TBC1D8: variants seen among roughly 807,000 people sequenced by gnomAD.
TBC1D8 encodes the protein BUB2-like protein 1.
A neutral mutation model predicts 118.8 loss-of-function variants in TBC1D8; 65 were observed. The ratio of observed to expected loss-of-function variants is 0.55; its 90% CI spans 0.45 to 0.67. The LOEUF is 0.67. Among genes scored for constraint, TBC1D8 ranks in the 30% least tolerant of loss-of-function variants. The pLI is 0.00. For synonymous variants in TBC1D8, 566 were observed against 595.8 expected, an observed-to-expected ratio of 0.95 and a Z score of 0.73; for missense variants, 1,376 against 1,471.2, an observed-to-expected ratio of 0.94 and a Z score of 1.06.
intron 15 of TBC1D8, among the ~76,000 whole-genome samples, chr2:101,022,927 G>A (rs1395148908): frequency 6.6e-6 from 1 of 151,924 alleles, no homozygotes; most frequent in African/African-American, 2.4e-5. Context: ...TGGATCGTCT[G>A]CGCTCAAGAT....
At position 101,008,130 on chromosome 2, in the gene TBC1D8, T is replaced by C. The variant is rs1646512575; in HGVS notation, c.3159A>G (p.Gly1053=). Reference sequence around the variant, plus strand: ...CCTCCCCACACTCCTGGGAGCAGCTTCCAGAGCTGCTGCCTCGCTGCCCCA... The same window carrying C: ...CCTCCCCACACTCCTGGGAGCAGCTCCCAGAGCTGCTGCCTCGCTGCCCCA... The part of the protein sequence containing the change: ...GEVGQRGSSS[G]SCSQECGEEL... Residue 1053 remains glycine (G), a synonymous_variant, in exon 20 of 20, where the codon GGA becomes GGG. Coordinates refer to ENST00000409318, the MANE Select transcript of TBC1D8 (RefSeq NM_001330348.2). 6.2e-7 allele frequency: 1 copy of C among 1,613,814 alleles called. No individual in the cohort carries two copies. Among genetic ancestry groups the C allele is most frequent in the African/African-American group, 1.3e-5 (1 of 75,002 alleles).
At chr2:101,055,648 T>C (rs1239634604) in intron 3 of TBC1D8, among the ~76,000 whole-genome samples, 1 of 152,162 alleles carries the variant, frequency 6.6e-6, no homozygotes, top group African/African-American at 2.4e-5. Context: ...TAGAAGGGCC[T>C]AGAATTCAAG....
chr2:101,149,425 G>A (rs1029479898), intron 1 of TBC1D8, among the ~76,000 whole-genome samples: 12 of 152,266 alleles, frequency 7.9e-5, no homozygotes, highest in African/African-American at 2.9e-4. Context: ...ACTAGATGGT[G>A]AATCGGCTGA....
chr2:101,021,615 C>G, intron 17 of TBC1D8, 66 bp downstream of exon 17: 1 of 1,096,330 alleles, frequency 9.1e-7, no homozygotes, highest in Non-Finnish European at 1.4e-6. Context: ...GCTTCAGAGT[C>G]ATGCACAAAG....
At chr2:101,028,261 G>T (rs760001571) in intron 13 of TBC1D8, 42 bp downstream of exon 13, 1 of 1,579,580 alleles carries the variant, frequency 6.3e-7, no homozygotes, top group Non-Finnish European at 8.6e-7. Flanking sequence ...TTCCCGGGGG[G>T]TTAGGGGCTG....
intron 1 of TBC1D8, among the ~76,000 whole-genome samples, chr2:101,147,823 G>A (rs145467818): frequency 2.0e-5 from 3 of 152,230 alleles, no homozygotes; most frequent in Non-Finnish European, 4.4e-5. Context: ...TTTCCCACAT[G>A]CTAACATCTC....
intron 17 of TBC1D8, among the ~76,000 whole-genome samples, chr2:101,014,902 T>G (rs758195046): frequency 2.6e-4 from 40 of 152,220 alleles, no homozygotes; most frequent in Non-Finnish European, 5.3e-4. Flanking sequence ...GATGTTAATT[T>G]TAAACACCTC....
chr2:101,011,251 T>C (rs1679184862), intron 18 of TBC1D8, 200 bp downstream of exon 18: 1 of 675,732 alleles, frequency 1.5e-6, no homozygotes, highest in African/African-American at 2.4e-5. Flanking sequence ...AGGAACTTGG[T>C]GGTGGGGGCA....
intron 17 of TBC1D8, among the ~76,000 whole-genome samples, chr2:101,012,560 T>G (rs976180111): frequency 6.6e-6 from 1 of 152,096 alleles, no homozygotes; most frequent in African/African-American, 2.4e-5. Context: ...GATATGACAT[T>G]TATTTTCAGG....
At chr2:101,040,614 G>A (rs1681325740) in intron 5 of TBC1D8, among the ~76,000 whole-genome samples, 1 of 152,136 alleles carries the variant, frequency 6.6e-6, no homozygotes, top group South Asian at 2.1e-4. Context: ...GGATTACAGG[G>A]ACGCGCCACC....
chr2:101,043,490 T>G (rs1014693739), intron 5 of TBC1D8, among the ~76,000 whole-genome samples: 1 of 152,200 alleles, frequency 6.6e-6, no homozygotes, highest in Non-Finnish European at 1.5e-5. Context: ...ATGTCAGCCT[T>G]CCTTCCTAGC....
At chr2:101,116,775 G>C (rs1233534485) in intron 1 of TBC1D8, among the ~76,000 whole-genome samples, 1 of 151,930 alleles carries the variant, frequency 6.6e-6, no homozygotes, top group East Asian at 1.9e-4. Context: ...CCCAGGGGCT[G>C]AGATTACAGG....
intron 17 of TBC1D8, among the ~76,000 whole-genome samples, chr2:101,013,524 G>T (rs75185555): frequency 0.24 from 36,647 of 151,976 alleles, 5,182 homozygotes; most frequent in South Asian, 0.38. Context: ...TAAGATAAAG[G>T]ATTTACATTT....
chr2:101,128,817 T>C (rs1254279418), intron 1 of TBC1D8, among the ~76,000 whole-genome samples: 1 of 152,120 alleles, frequency 6.6e-6, no homozygotes, highest in African/African-American at 2.4e-5. Context: ...CTAAGTGAAA[T>C]AAGCCAGACA....
intron 1 of TBC1D8, among the ~76,000 whole-genome samples, chr2:101,092,961 G>A (rs1441341202): frequency 6.6e-6 from 1 of 152,124 alleles, no homozygotes; most frequent in Non-Finnish European, 1.5e-5. Flanking sequence ...CCACCAACAC[G>A]TGGAGTCTCT....
At chr2:101,011,599 G>C in intron 17 of TBC1D8, 59 bp from the exon 18 acceptor site, 2 of 1,568,830 alleles carry the variant, frequency 1.3e-6, no homozygotes, top group South Asian at 2.2e-5. Flanking sequence ...AAAACTGACA[G>C]TAATGTAGCT....
chr2:101,101,602 G>A (rs1288281306), intron 1 of TBC1D8, among the ~76,000 whole-genome samples: 4 of 152,166 alleles, frequency 2.6e-5, no homozygotes, highest in Non-Finnish European at 4.4e-5. Flanking sequence ...ACACATGTAT[G>A]TTTATTGCAG....
At chr2:101,090,935 C>G (rs1675994208) in intron 1 of TBC1D8, among the ~76,000 whole-genome samples, 1 of 152,226 alleles carries the variant, frequency 6.6e-6, no homozygotes, top group Non-Finnish European at 1.5e-5. Context: ...TCATTATCCT[C>G]CTCTCCAATA....
chr2:101,025,005 TACATGG>T (rs1558629584), intron 15 of TBC1D8, among the ~76,000 whole-genome samples: 2 of 152,308 alleles, frequency 1.3e-5, no homozygotes, highest in East Asian at 3.9e-4. Context: ...AAGTTCATCA[TACATGG>T]TCAACTGAAA....
Sources: gnomAD v4.1 joint callset for allele counts (sites outside exome capture counted in the v4.1 genomes callset) on GRCh38, gnomAD v4.1.1 for gene constraint, MANE v1.5 for transcripts, NCBI Gene and HGNC (gene_info 2026-07-23, HGNC 2026-07-21) for gene names.